Variants in SLCO1A2 observed in about 807,000 individuals in gnomAD.
SLCO1A2 encodes OATP-1.
SLCO1A2 carries 67 observed loss-of-function variants against 69.0 expected under a neutral mutation model. The observed-to-expected ratio is 0.97, with a 90% CI of 0.80 to 1.19. The LOEUF (loss-of-function observed/expected upper bound fraction) is 1.19, where lower values mean the gene tolerates loss of function less well. Ranked by LOEUF, SLCO1A2 falls within the 50% of genes most tolerant of loss-of-function variation. The pLI is 0.00. For missense variants in SLCO1A2, 787 were observed against 793.7 expected, an observed-to-expected ratio of 0.99 and a Z score of 0.10; for synonymous variants, 260 against 265.9, an observed-to-expected ratio of 0.98 and a Z score of 0.22.
At chr12:21,405,736 T>C (rs1565534202) in intron 1 of SLCO1A2, among the ~76,000 whole-genome samples, 3 of 152,316 alleles carry the variant, frequency 2.0e-5, no homozygotes, top group African/African-American at 7.2e-5. Context: ...ACCCCTTCCT[T>C]ACACCTTATA....
At chr12:21,305,647 C>T (rs1949271984) in intron 5 of SLCO1A2, among the ~76,000 whole-genome samples, 1 of 152,244 alleles carries the variant, frequency 6.6e-6, no homozygotes, top group African/African-American at 2.4e-5. Flanking sequence ...GCTATATCCA[C>T]AATGAAGCCG....
At chr12:21,410,186 AGATCAATCTT>A (rs896150525) in intron 1 of SLCO1A2, among the ~76,000 whole-genome samples, 1 of 152,170 alleles carries the variant, frequency 6.6e-6, no homozygotes, top group African/African-American at 2.4e-5. Flanking sequence ...GGAAATCTCT[AGATCAATCTT>A]GAGTCCATCA....
chr12:21,360,815 G>A (rs899594632), intron 2 of SLCO1A2, among the ~76,000 whole-genome samples: 2 of 152,208 alleles, frequency 1.3e-5, no homozygotes, highest in Admixed American at 1.3e-4. Flanking sequence ...AGATGGAACT[G>A]CAAGGCAGCA....
At chr12:21,323,445 G>A (rs1036661245) in intron 2 of SLCO1A2, among the ~76,000 whole-genome samples, 1 of 152,074 alleles carries the variant, frequency 6.6e-6, no homozygotes, top group Non-Finnish European at 1.5e-5. Context: ...CATGCCTGTA[G>A]TGCCAGCTAC....
intron 2 of SLCO1A2, among the ~76,000 whole-genome samples, chr12:21,370,161 G>A (rs758300524): frequency 2.4e-4 from 37 of 152,108 alleles, no homozygotes; most frequent in Non-Finnish European, 5.0e-4. Flanking sequence ...GAGTAGCTCT[G>A]TAACCTTAAG....
intron 2 of SLCO1A2, among the ~76,000 whole-genome samples, chr12:21,343,391 G>A (rs1440671453): frequency 2.0e-5 from 3 of 152,076 alleles, no homozygotes; most frequent in Non-Finnish European, 4.4e-5. Context: ...ATAAATGTTT[G>A]TTCTTATTGC....
chr12:21,313,590 T>C (rs760854646), intron 4 of SLCO1A2, among the ~76,000 whole-genome samples: 6 of 152,106 alleles, frequency 3.9e-5, no homozygotes, highest in Non-Finnish European at 8.8e-5. Flanking sequence ...CATGCACCTA[T>C]AATCCCAGCT....
upstream of SLCO1A2, among the ~76,000 whole-genome samples, chr12:21,396,877 A>C (rs1216813860): frequency 6.6e-6 from 1 of 152,208 alleles, no homozygotes; most frequent in Non-Finnish European, 1.5e-5. Context: ...AGGAAGCACT[A>C]AACATGGAAA....
chr12:21,394,516 T>A lies in SLCO1A2; in HGVS notation c.-190+390A>T, dbSNP rs184156103. ...GTGATCGTACCACCACACTCCAGCC[T>A]GGGTGACAGAGAGAGACACTGTCTC... On this transcript the variant is annotated intron_variant, in intron 1 of 15. Coordinates refer to the SLCO1A2 transcript ENST00000307378. 3.4e-3 allele frequency among the ~76,000 whole-genome samples: 502 copies of A among 147,100 alleles called. 3 individuals carry two copies. Among genetic ancestry groups the A allele is most frequent in the African/African-American group, 0.012 (458 of 39,544 alleles).
chr12:21,292,664 C>T (rs1054406862), intron 11 of SLCO1A2, among the ~76,000 whole-genome samples: 3 of 152,016 alleles, frequency 2.0e-5, no homozygotes, highest in East Asian at 3.9e-4. Context: ...GGTGCGATCT[C>T]GGCTCACTAC....
At chr12:21,366,004 A>T (rs978354819) in intron 2 of SLCO1A2, among the ~76,000 whole-genome samples, 6 of 152,254 alleles carry the variant, frequency 3.9e-5, no homozygotes, top group African/African-American at 1.4e-4. Flanking sequence ...TTCCTCAAGT[A>T]TCTTGAACTA....
chr12:21,283,663 T>C (rs1945214935), intron 12 of SLCO1A2, among the ~76,000 whole-genome samples: 1 of 152,138 alleles, frequency 6.6e-6, no homozygotes, highest in Non-Finnish European at 1.5e-5. Context: ...ATTTGCAAGC[T>C]ACCCATCTGA....
At chr12:21,322,757 C>A (rs1281115224) in intron 2 of SLCO1A2, among the ~76,000 whole-genome samples, 1 of 152,074 alleles carries the variant, frequency 6.6e-6, no homozygotes, top group Non-Finnish European at 1.5e-5. Context: ...TCTGGCCCAC[C>A]CCTCCTTCCC....
At chr12:21,277,267 G>T (rs961107814) in intron 12 of SLCO1A2, among the ~76,000 whole-genome samples, 19 of 152,082 alleles carry the variant, frequency 1.2e-4, no homozygotes, top group Admixed American at 1.3e-4. Flanking sequence ...CCTAGCTCCT[G>T]GCTGGCATTT....
At chr12:21,394,583 C>CA (rs1424062179) in intron 1 of SLCO1A2, among the ~76,000 whole-genome samples, 5 of 141,404 alleles carry the variant, frequency 3.5e-5, no homozygotes, top group South Asian at 2.3e-4. Context: ...ACACACACAA[C>CA]AAAAAACAAA....
intron 2 of SLCO1A2, among the ~76,000 whole-genome samples, chr12:21,319,873 T>C (rs1951385542): frequency 6.6e-6 from 1 of 152,168 alleles, no homozygotes; most frequent in Non-Finnish European, 1.5e-5. Context: ...ATATGAAAAG[T>C]TAAAATTCAT....
intron 12 of SLCO1A2, among the ~76,000 whole-genome samples, chr12:21,291,502 G>A (rs1239759253): frequency 6.6e-6 from 1 of 152,054 alleles, no homozygotes; most frequent in Non-Finnish European, 1.5e-5. Flanking sequence ...CTCTACTTTA[G>A]AGCTCCAAAA....
chr12:21,372,475 A>G lies in SLCO1A2; in HGVS notation c.-63+1924T>C, dbSNP rs1338005016. Among the ~76,000 whole-genome samples the G allele has an allele frequency of 2.6e-5, 4 of 151,898 alleles. No homozygotes were observed. In the East Asian group the frequency reaches 5.8e-4, roughly 22 times the overall value. ...CCCTTTTTATACACCTTTCCCTTAT[A>G]TCTCCATTTATTCCTGAAGCTTCAT... On this transcript the variant is annotated intron_variant, in intron 2 of 15. Transcript: ENST00000307378.
intron 1 of SLCO1A2, among the ~76,000 whole-genome samples, chr12:21,407,610 G>A (rs913029771): frequency 1.3e-5 from 2 of 152,084 alleles, no homozygotes; most frequent in Non-Finnish European, 1.5e-5. Flanking sequence ...AGACTAGCCT[G>A]AGCAACATGG....
Sources: gnomAD v4.1 joint callset for allele counts (sites outside exome capture counted in the v4.1 genomes callset) on GRCh38, gnomAD v4.1.1 for gene constraint, MANE v1.5 for transcripts, NCBI Gene and HGNC (gene_info 2026-07-23, HGNC 2026-07-21) for gene names.